PPP4R1: variants seen among roughly 807,000 people sequenced by gnomAD.
PPP4R1 encodes serine/threonine-protein phosphatase 4 regulatory subunit 1.
PPP4R1 carries 42 observed loss-of-function variants against 111.2 expected under a neutral mutation model. The observed-to-expected ratio is 0.38, with a 90% CI of 0.29 to 0.49. The LOEUF is 0.49. Among genes scored for constraint, PPP4R1 ranks in the 20% least tolerant of loss-of-function variants. The pLI is 0.97. For missense variants in PPP4R1, 1,012 were observed against 1,161.6 expected (o/e 0.87, Z 1.87); for synonymous variants, 409 against 405.5 (o/e 1.01, Z -0.10).
intron 14 of PPP4R1, among the ~76,000 whole-genome samples, chr18:9,558,242 G>A (rs9304040): frequency 0.2 from 30,432 of 151,940 alleles, 3,387 homozygotes; most frequent in East Asian, 0.49. Context: ...CAACATATAA[G>A]ACAGATGAAG....
At chr18:9,605,923 A>G in intron 2 of PPP4R1, among the ~76,000 whole-genome samples, 1 of 152,214 alleles carries the variant, frequency 6.6e-6, no homozygotes, top group South Asian at 2.1e-4. Context: ...AAAAAATTAC[A>G]TTACATTGTG....
In PPP4R1 at chr18:9,562,018, T is replaced by C. The variant is rs2066686306; in HGVS notation, c.1804A>G (p.Ser602Gly). The C allele has an allele frequency of 6.2e-7, 1 of 1,613,186 alleles. No homozygotes were observed. Among genetic ancestry groups the C allele is most frequent in the African/African-American group, 1.3e-5 (1 of 74,908 alleles). ...HSDSDLSNNS[S>G]FSPDEERRTK... ...CTCCTTTCCTCATCAGGGCTAAAAC[T>C]GCTATTGTTGCTCAAGTCTGAATCG... Residue 602 changes from serine to glycine, a missense_variant, in exon 13 of 20, where the codon AGT becomes GGT. Ser to Gly is a moderately conservative substitution (Grantham distance 56, BLOSUM62 0). Coordinates refer to ENST00000400556, the MANE Select transcript of PPP4R1 (RefSeq NM_001042388.3).
chr18:9,549,109 T>C, intron 19 of PPP4R1, 88 bp downstream of exon 19: 4 of 1,451,830 alleles, frequency 2.8e-6, no homozygotes, highest in Non-Finnish European at 2.9e-6. Context: ...GAGCAGACAA[T>C]ACTTCTGCTT....
chr18:9,576,843 C>T (rs560225513), intron 10 of PPP4R1, among the ~76,000 whole-genome samples: 3 of 152,170 alleles, frequency 2.0e-5, no homozygotes, highest in African/African-American at 7.2e-5. Flanking sequence ...AATTGTGTTA[C>T]ATGCATCTAC....
intron 11 of PPP4R1, among the ~76,000 whole-genome samples, chr18:9,566,799 C>T (rs1432079619): frequency 2.0e-5 from 3 of 152,142 alleles, no homozygotes; most frequent in Non-Finnish European, 2.9e-5. Context: ...TGGATGAGAG[C>T]AGATCTATTT....
At chr18:9,593,108 C>G (rs1299504741) in intron 4 of PPP4R1, among the ~76,000 whole-genome samples, 1 of 151,946 alleles carries the variant, frequency 6.6e-6, no homozygotes, top group Non-Finnish European at 1.5e-5. Flanking sequence ...AGAAAATATA[C>G]TTTAATAAAG....
chr18:9,596,362 T>C (rs928368766), intron 2 of PPP4R1, among the ~76,000 whole-genome samples: 1 of 152,212 alleles, frequency 6.6e-6, no homozygotes, highest in Admixed American at 6.5e-5. Context: ...TTCCTGGCAC[T>C]TCCTATTCTA....
At chr18:9,561,086 G>A (rs1284132781) in intron 13 of PPP4R1, among the ~76,000 whole-genome samples, 1 of 151,300 alleles carries the variant, frequency 6.6e-6, no homozygotes, top group Non-Finnish European at 1.5e-5. Flanking sequence ...GGGCATGGTG[G>A]CTCGCAACTG....
At chr18:9,556,429 G>A in intron 15 of PPP4R1, among the ~76,000 whole-genome samples, 1 of 152,052 alleles carries the variant, frequency 6.6e-6, no homozygotes, top group Non-Finnish European at 1.5e-5. Context: ...CTGACCTCAA[G>A]TGATCTGCCC....
intron 2 of PPP4R1, chr18:9,599,569 A>C (rs1451653431): frequency 1.3e-5 from 2 of 152,120 alleles, no homozygotes; most frequent in African/African-American, 4.8e-5. Context: ...ATTACAAACA[A>C]CACCTAACCA....
chr18:9,556,690 G>GA (rs1216508405), intron 15 of PPP4R1, among the ~76,000 whole-genome samples: 4 of 152,192 alleles, frequency 2.6e-5, no homozygotes, highest in Admixed American at 6.5e-5. Flanking sequence ...AAATTCTCAA[G>GA]ACGCCTGAAA....
At chr18:9,616,680 A>G (rs954324788), upstream of PPP4R1, among the ~76,000 whole-genome samples, 1 of 152,240 alleles carries the variant, frequency 6.6e-6, no homozygotes, top group Non-Finnish European at 1.5e-5. Flanking sequence ...AACTGTCTTG[A>G]TCTACACAGT....
intron 2 of PPP4R1, among the ~76,000 whole-genome samples, chr18:9,609,168 G>C (rs1037032855): frequency 6.6e-6 from 1 of 152,098 alleles, no homozygotes; most frequent in Non-Finnish European, 1.5e-5. Flanking sequence ...TCTTTTCTAA[G>C]ATATCAATGA....
intron 9 of PPP4R1, 39 bp from the exon 10 acceptor site, chr18:9,577,230 T>C (rs2066950746): frequency 1.9e-6 from 3 of 1,561,262 alleles, no homozygotes; most frequent in Admixed American, 2.0e-5. Flanking sequence ...GGAATCATTT[T>C]GAAAAAGAAT....
upstream of PPP4R1, chr18:9,615,128 G>A (rs928820214): frequency 3.3e-5 from 5 of 152,354 alleles, no homozygotes; most frequent in East Asian, 1.9e-4. Context: ...CTCGCCAAGT[G>A]GCTGCTAACA....
At chr18:9,615,668 G>A (rs2067680108), upstream of PPP4R1, among the ~76,000 whole-genome samples, 1 of 152,182 alleles carries the variant, frequency 6.6e-6, no homozygotes, top group Non-Finnish European at 1.5e-5. Flanking sequence ...CCAAAATGGT[G>A]TTCTCCTAAA....
Position 9,550,160 on chromosome 18 carries a change from G to T in PPP4R1, c.2439C>A (p.His813Gln), listed in dbSNP as rs190414935. 2 of 1,614,184 alleles carry T rather than the reference G, an allele frequency of 1.2e-6. No homozygotes were observed. The highest frequency in any genetic ancestry group is 3.3e-5 in the Admixed American group (2 of 60,028). Reference protein sequence around the residue: ...KLVSEMVKKLHAATPPTFGVD... With the variant: ...KLVSEMVKKLQAATPPTFGVD... Reference sequence around the variant, plus strand: ...CTCCGAACGTTGGTGGTGTTGCCGCGTGCAGCTTCTTCACCATCTCGCTGA... The same window carrying T: ...CTCCGAACGTTGGTGGTGTTGCCGCTTGCAGCTTCTTCACCATCTCGCTGA... Residue 813 changes from histidine to glutamine, a missense_variant, in exon 18 of 20, where the codon CAC becomes CAA. Coordinates refer to ENST00000400556, the MANE Select transcript of PPP4R1 (RefSeq NM_001042388.3).
At chr18:9,616,306 C>T (rs1056344312), upstream of PPP4R1, among the ~76,000 whole-genome samples, 3 of 150,726 alleles carry the variant, frequency 2.0e-5, no homozygotes, top group Non-Finnish European at 2.9e-5. Flanking sequence ...TCTTGCCTTA[C>T]GTAGCCCAGG....
At chr18:9,606,957 A>G (rs1394917197) in intron 2 of PPP4R1, among the ~76,000 whole-genome samples, 1 of 152,222 alleles carries the variant, frequency 6.6e-6, no homozygotes, top group Non-Finnish European at 1.5e-5. Context: ...CCAAATACAA[A>G]ATTTGAACTA....
Sources: gnomAD v4.1 joint callset for allele counts (sites outside exome capture counted in the v4.1 genomes callset) on GRCh38, gnomAD v4.1.1 for gene constraint, MANE v1.5 for transcripts, NCBI Gene and HGNC (gene_info 2026-07-23, HGNC 2026-07-21) for gene names.